Variants in PLPPR1 observed in about 807,000 individuals in gnomAD.
PLPPR1 encodes phospholipid phosphatase-related protein type 1.
Under a neutral mutation model 33.1 loss-of-function variants are expected in PLPPR1, and 10 were observed. The ratio of observed to expected loss-of-function variants is 0.30; its 90% CI spans 0.19 to 0.51. PLPPR1 has a LOEUF of 0.51. Ranked by LOEUF, PLPPR1 falls within the 20% of genes least tolerant of loss-of-function variation. The pLI is 0.97. For synonymous variants in PLPPR1, 151 were observed against 151.0 expected (o/e 1.00, Z 0.00); for missense variants, 304 against 408.1 (o/e 0.74, Z 2.20).
intron 3 of PLPPR1, among the ~76,000 whole-genome samples, chr9:101,284,135 A>G (rs1828349322): frequency 6.6e-6 from 1 of 152,132 alleles, no homozygotes; most frequent in South Asian, 2.1e-4. Context: ...ACCACTACTG[A>G]GTGTATATAC....
chr9:101,106,201 C>T (rs1358791411), intron 1 of PLPPR1, among the ~76,000 whole-genome samples: 1 of 148,062 alleles, frequency 6.8e-6, no homozygotes, highest in East Asian at 2.0e-4. Context: ...ATGATGTTAG[C>T]TGGTGCTTTT....
chr9:101,172,189 A>G (rs1487233477), intron 1 of PLPPR1, among the ~76,000 whole-genome samples: 1 of 152,088 alleles, frequency 6.6e-6, no homozygotes, highest in Non-Finnish European at 1.5e-5. Flanking sequence ...GACCTGGGCC[A>G]TGGGTCGTGC....
intron 6 of PLPPR1, among the ~76,000 whole-genome samples, chr9:101,313,812 T>A (rs1273864811): frequency 6.6e-6 from 1 of 152,206 alleles, no homozygotes; most frequent in Non-Finnish European, 1.5e-5. Context: ...GGCATACAAC[T>A]TTCTCACCCT....
chr9:101,045,387 G>GGTGAGTGAATGGAAGTGTAATAA (rs1830132260), intron 1 of PLPPR1, among the ~76,000 whole-genome samples: 1 of 152,064 alleles, frequency 6.6e-6, no homozygotes, highest in Non-Finnish European at 1.5e-5. Flanking sequence ...TTGTGGAATG[G>GGTGAGTGAATGGAAGTGTAATAA]GTGAGTGAAT....
Position 101,312,814 on chromosome 9 carries a change from C to T in PLPPR1, c.653C>T (p.Thr218Ile). The T allele has an allele frequency of 6.2e-7, 1 of 1,614,076 alleles. No individual in the cohort carries two copies. The highest frequency in any genetic ancestry group is 8.5e-7 in the Non-Finnish European group (1 of 1,180,014). The change falls in exon 6 of 8, where the codon ACA becomes ATA. Residue 218 changes from threonine to isoleucine, a missense_variant. Coordinates refer to ENST00000374874, the MANE Select transcript of PLPPR1 (RefSeq NM_207299.2). The part of the protein sequence containing the change: ...ALYATMYITS[T>I]IKTKSSRLAK... ...CTATTCCAGATGTATATTACAAGCA[C>T]AATCAAGACGAAGAGCAGTCGACTG...
At chr9:101,286,649 G>C (rs1828400754) in intron 4 of PLPPR1, among the ~76,000 whole-genome samples, 1 of 152,082 alleles carries the variant, frequency 6.6e-6, no homozygotes, top group Non-Finnish European at 1.5e-5. Context: ...ACAAAGAGTG[G>C]GAAATCTCAG....
intron 2 of PLPPR1, among the ~76,000 whole-genome samples, chr9:101,259,019 A>G (rs1353288542): frequency 6.6e-6 from 1 of 152,172 alleles, no homozygotes; most frequent in Non-Finnish European, 1.5e-5. Flanking sequence ...TTGTAGCCCA[A>G]TTTAGTTTAA....
chr9:101,229,369 C>T (rs1588084182), intron 2 of PLPPR1, among the ~76,000 whole-genome samples: 1 of 152,030 alleles, frequency 6.6e-6, no homozygotes, highest in East Asian at 1.9e-4. Flanking sequence ...GCCCTGATTA[C>T]CTATTCCATG....
chr9:101,276,332 G>T (rs148696137), intron 3 of PLPPR1, among the ~76,000 whole-genome samples: 3 of 151,582 alleles, frequency 2.0e-5, no homozygotes, highest in East Asian at 1.9e-4. Flanking sequence ...AATTATTGTG[G>T]ATTTTTTAAA....
chr9:101,141,103 G>T (rs1008299835), intron 1 of PLPPR1, among the ~76,000 whole-genome samples: 1 of 152,098 alleles, frequency 6.6e-6, no homozygotes, highest in Non-Finnish European at 1.5e-5. Flanking sequence ...CTTTCAATAT[G>T]AATTCCTTGA....
At chr9:101,054,519 G>A (rs1210744875) in intron 1 of PLPPR1, among the ~76,000 whole-genome samples, 1 of 152,180 alleles carries the variant, frequency 6.6e-6, no homozygotes, top group East Asian at 1.9e-4. Context: ...GCATTAAGGT[G>A]TAATATTTCT....
chr9:101,238,121 G>T, intron 2 of PLPPR1, among the ~76,000 whole-genome samples: 1 of 134,508 alleles, frequency 7.4e-6, no homozygotes, highest in African/African-American at 2.7e-5. Context: ...ATACGTGTGT[G>T]TATATATATA....
intron 2 of PLPPR1, among the ~76,000 whole-genome samples, chr9:101,196,627 C>G (rs1362746396): frequency 6.6e-6 from 1 of 152,068 alleles, no homozygotes; most frequent in Non-Finnish European, 1.5e-5. Context: ...TTTGGGAGGC[C>G]GAGGCGGGCG....
chr9:101,266,432 G>T (rs920208458), intron 2 of PLPPR1, among the ~76,000 whole-genome samples: 2 of 145,646 alleles, frequency 1.4e-5, no homozygotes, highest in Admixed American at 6.9e-5. Flanking sequence ...AAGAAATAAA[G>T]AAAAAGAAAA....
intron 1 of PLPPR1, among the ~76,000 whole-genome samples, chr9:101,143,488 G>C (rs1831480376): frequency 6.6e-6 from 1 of 152,122 alleles, no homozygotes; most frequent in Non-Finnish European, 1.5e-5. Context: ...AGAGTGAACA[G>C]GCAACCTACA....
chr9:101,189,200 T>C (rs1230052367), intron 2 of PLPPR1, among the ~76,000 whole-genome samples: 1 of 152,124 alleles, frequency 6.6e-6, no homozygotes, highest in African/African-American at 2.4e-5. Flanking sequence ...ATTTAAGATA[T>C]ACATTGGTTT....
chr9:101,155,312 T>C (rs1351843517), intron 1 of PLPPR1, among the ~76,000 whole-genome samples: 5 of 152,144 alleles, frequency 3.3e-5, no homozygotes, highest in Non-Finnish European at 7.4e-5. Context: ...GGGTAATTTA[T>C]AAAGAACAGA....
intron 1 of PLPPR1, among the ~76,000 whole-genome samples, chr9:101,044,463 G>A (rs1830121266): frequency 6.6e-6 from 1 of 152,138 alleles, no homozygotes; most frequent in African/African-American, 2.4e-5. Flanking sequence ...TCACTGTGCA[G>A]CTGAGAATTT....
intron 1 of PLPPR1, among the ~76,000 whole-genome samples, chr9:101,096,186 C>T (rs1481118271): frequency 6.6e-6 from 1 of 152,098 alleles, no homozygotes; most frequent in Non-Finnish European, 1.5e-5. Context: ...AATGGGTGGG[C>T]CAGCACATTC....
Sources: allele counts gnomAD v4.1 joint callset (sites outside exome capture counted in the v4.1 genomes callset), GRCh38; gene constraint gnomAD v4.1.1; transcripts MANE v1.5; gene names NCBI Gene and HGNC (gene_info 2026-07-23, HGNC 2026-07-21).